Variants in ZMAT4 observed in about 807,000 individuals in gnomAD.
The protein encoded by ZMAT4 is zinc finger matrin-type 4.
Under a neutral mutation model 28.7 loss-of-function variants are expected in ZMAT4, and 17 were observed. That is an observed-to-expected ratio of 0.59 (90% CI 0.41 to 0.89). ZMAT4 has a LOEUF of 0.89. Ranked by LOEUF, ZMAT4 falls within the 40% of genes least tolerant of loss-of-function variation. The pLI is 0.00. For synonymous variants in ZMAT4, 117 were observed against 109.2 expected, an observed-to-expected ratio of 1.07 and a Z score of -0.44; for missense variants, 240 against 283.8, an observed-to-expected ratio of 0.85 and a Z score of 1.11.
At chr8:40,816,731 A>T (rs1453303600) in intron 2 of ZMAT4, among the ~76,000 whole-genome samples, 1 of 152,222 alleles carries the variant, frequency 6.6e-6, no homozygotes, top group African/African-American at 2.4e-5. Context: ...GAATACTTTG[A>T]TATATGTTAT....
intron 3 of ZMAT4, among the ~76,000 whole-genome samples, chr8:40,703,598 G>C (rs1041790898): frequency 5.3e-5 from 8 of 152,270 alleles, no homozygotes; most frequent in African/African-American, 1.9e-4. Context: ...CAGGGAGGAG[G>C]GAGATGGGAG....
chr8:40,644,379 TAAGG>T lies in ZMAT4; in HGVS notation c.577+30321_577+30324del, dbSNP rs544097408. Among the ~76,000 whole-genome samples the T allele has an allele frequency of 5.9e-5, 9 of 151,816 alleles. No homozygotes were observed. The East Asian group carries it at 1.7e-3, about 29-fold the overall frequency. ...TTGAGCATCTTGTTGTGCTGGAAAATAAGGAAGTACAGAAAAAACCACACACACC... is the reference window on the plus strand; with the variant it reads ...TTGAGCATCTTGTTGTGCTGGAAAATAAGTACAGAAAAAACCACACACACC... On this transcript the variant is annotated intron_variant, in intron 5 of 6. Transcript: ENST00000297737.
intron 2 of ZMAT4, among the ~76,000 whole-genome samples, chr8:40,789,091 G>A (rs527830554): frequency 6.6e-6 from 1 of 150,896 alleles, no homozygotes; most frequent in African/African-American, 2.4e-5. Flanking sequence ...AGGGAGGGAG[G>A]AGAGAGGGAA....
rs561916207 is a variant in ZMAT4, at chr8:40,707,682, A to G, written c.193-10281T>C. 2.6e-5 allele frequency among the ~76,000 whole-genome samples: 4 copies of G among 152,310 alleles called. No individual in the cohort carries two copies. In the South Asian group the frequency reaches 8.3e-4, roughly 32 times the overall value. Reference sequence around the variant, plus strand: ...TGTGTATGTATGTCTGTGTGTATATACATGTAATCAAATGGTTTAAAAGAA... The same window carrying G: ...TGTGTATGTATGTCTGTGTGTATATGCATGTAATCAAATGGTTTAAAAGAA... On this transcript the variant is annotated intron_variant, in intron 3 of 6. Coordinates refer to ENST00000297737, the MANE Select transcript of ZMAT4 (RefSeq NM_024645.3).
At chr8:40,607,203 C>T (rs1441756673) in intron 5 of ZMAT4, among the ~76,000 whole-genome samples, 3 of 140,688 alleles carry the variant, frequency 2.1e-5, no homozygotes, top group African/African-American at 8.0e-5. Flanking sequence ...CGGCTCACTG[C>T]AAGCTCCGCC....
At chr8:40,763,585 C>T (rs753157288) in intron 3 of ZMAT4, among the ~76,000 whole-genome samples, 5 of 152,182 alleles carry the variant, frequency 3.3e-5, no homozygotes, top group Non-Finnish European at 7.3e-5. Flanking sequence ...AAAAATAAGA[C>T]ACCACTTCAA....
chr8:40,536,553 T>C (rs539243799), intron 6 of ZMAT4, among the ~76,000 whole-genome samples: 42 of 152,210 alleles, frequency 2.8e-4, no homozygotes, highest in Non-Finnish European at 4.6e-4. Flanking sequence ...TTACTCCACC[T>C]ATCTGGATCA....
chr8:40,629,634 C>T (rs1252086022), intron 5 of ZMAT4, among the ~76,000 whole-genome samples: 2 of 149,790 alleles, frequency 1.3e-5, no homozygotes, highest in Admixed American at 6.7e-5. Flanking sequence ...TCAGTTCCCA[C>T]CTATGAGTGA....
At chr8:40,618,775 C>T (rs1038012074) in intron 5 of ZMAT4, among the ~76,000 whole-genome samples, 1 of 152,138 alleles carries the variant, frequency 6.6e-6, no homozygotes, top group Non-Finnish European at 1.5e-5. Flanking sequence ...ACCTGAAAAG[C>T]ACAGTTTCCT....
chr8:40,598,263 G>A (rs1265317544), intron 5 of ZMAT4, among the ~76,000 whole-genome samples: 2 of 152,088 alleles, frequency 1.3e-5, no homozygotes, highest in African/African-American at 2.4e-5. Flanking sequence ...TTGTTACATA[G>A]GTATGCATAT....
rs398007582 is a variant in ZMAT4 at position 40,862,584 on chromosome 8, TAA to T, written c.-5+35097_-5+35098del. Among the ~76,000 whole-genome samples the T allele has an allele frequency of 3.8e-3, 416 of 109,960 alleles. 1 individual carries two copies. Among genetic ancestry groups the T allele is most frequent in the African/African-American group, 0.013 (382 of 28,588 alleles). 72.1% of individuals were successfully genotyped at this position (109,960 alleles called of 152,430 possible). On this transcript the variant is annotated intron_variant, in intron 1 of 6. Coordinates refer to ENST00000297737, the MANE Select transcript of ZMAT4 (RefSeq NM_024645.3). ...TTAGAGTATAATAAAAAAAAAAAAT[TAA>T]AAAAAAAAAAAAAAGAAAATTTGGC... is the stretch of plus-strand genomic sequence containing the variant.
At chr8:40,860,859 A>G (rs1817463884) in intron 1 of ZMAT4, among the ~76,000 whole-genome samples, 1 of 152,196 alleles carries the variant, frequency 6.6e-6, no homozygotes, top group African/African-American at 2.4e-5. Flanking sequence ...GACCAGGGGA[A>G]GCACCTGGCC....
chr8:40,701,133 T>C (rs1210800353), intron 3 of ZMAT4, among the ~76,000 whole-genome samples: 1 of 152,208 alleles, frequency 6.6e-6, no homozygotes, highest in Non-Finnish European at 1.5e-5. Context: ...ATAAACCAAC[T>C]TGAGGGTTCA....
chr8:40,845,483 T>C lies in ZMAT4; in HGVS notation c.-4-19803A>G, dbSNP rs147143694. 7.7e-3 allele frequency among the ~76,000 whole-genome samples: 1,169 copies of C among 152,248 alleles called. 21 individuals carry two copies. Among genetic ancestry groups the C allele is most frequent in the African/African-American group, 0.027 (1,121 of 41,552 alleles). On this transcript the variant is annotated intron_variant, in intron 1 of 6. Coordinates refer to ENST00000297737, the MANE Select transcript of ZMAT4 (RefSeq NM_024645.3). The stretch of plus-strand genomic sequence containing the variant: ...ACCGTGTGCCAGTTGACAATTTTTC[T>C]GCTTCTGAAAAATAATGCGGCTTTT...
chr8:40,855,584 C>T (rs1046712600), intron 1 of ZMAT4, among the ~76,000 whole-genome samples: 1 of 152,048 alleles, frequency 6.6e-6, no homozygotes, highest in Non-Finnish European at 1.5e-5. Flanking sequence ...AGTGACAAAT[C>T]TTGGTGACAG....
intron 1 of ZMAT4, among the ~76,000 whole-genome samples, chr8:40,872,738 C>T (rs964754097): frequency 1.7e-4 from 26 of 152,006 alleles, no homozygotes; most frequent in Admixed American, 2.6e-4. Context: ...ATCAAAAAGA[C>T]AACACTGGAT....
chr8:40,849,672 A>G (rs1010991124), intron 1 of ZMAT4, among the ~76,000 whole-genome samples: 2 of 152,178 alleles, frequency 1.3e-5, no homozygotes, highest in African/African-American at 4.8e-5. Context: ...CTCCATGTCC[A>G]CAGCACCAAG....
At chr8:40,673,583 T>G (rs552570327) in intron 5 of ZMAT4, among the ~76,000 whole-genome samples, 44 of 152,302 alleles carry the variant, frequency 2.9e-4, no homozygotes, top group African/African-American at 1.0e-3. Flanking sequence ...TGCAGAATTA[T>G]TTTTATTTTT....
chr8:40,631,440 GA>G (rs1486540649), intron 5 of ZMAT4, among the ~76,000 whole-genome samples: 1 of 152,138 alleles, frequency 6.6e-6, no homozygotes, highest in Non-Finnish European at 1.5e-5. Flanking sequence ...TTACAAACGT[GA>G]GCCACCGCAC....
Sources: allele counts gnomAD v4.1 joint callset (sites outside exome capture counted in the v4.1 genomes callset), GRCh38; gene constraint gnomAD v4.1.1; transcripts MANE v1.5; gene names NCBI Gene and HGNC (gene_info 2026-07-23, HGNC 2026-07-21).